TNRC6B: variants seen among roughly 807,000 people sequenced by gnomAD.
TNRC6B encodes the protein trinucleotide repeat containing adaptor 6B, also known as trinucleotide repeat-containing gene 6B protein.
Under a neutral mutation model 203.6 loss-of-function variants are expected in TNRC6B, and 52 were observed. The observed-to-expected ratio is 0.26, with a 90% CI of 0.20 to 0.32. TNRC6B has a LOEUF of 0.32. Among genes scored for constraint, TNRC6B ranks in the 10% least tolerant of loss-of-function variants. TNRC6B has a pLI of 1.00. For missense variants in TNRC6B, 1,923 were observed against 2,286.2 expected, an observed-to-expected ratio of 0.84 and a Z score of 3.24; for synonymous variants, 838 against 845.7, an observed-to-expected ratio of 0.99 and a Z score of 0.16.
intron 1 of TNRC6B, among the ~76,000 whole-genome samples, chr22:40,053,209 G>A (rs141202891): frequency 0.013 from 1,996 of 151,682 alleles, 20 homozygotes; most frequent in Non-Finnish European, 0.02. Flanking sequence ...GGATTTTCAG[G>A]TTGGGTCATT....
chr22:40,104,915 CCAAT>C (rs1302226548), intron 1 of TNRC6B, among the ~76,000 whole-genome samples: 1 of 152,184 alleles, frequency 6.6e-6, no homozygotes, highest in Non-Finnish European at 1.5e-5. Flanking sequence ...GGAATTTAGA[CCAAT>C]CAGTCTGGCT....
chr22:40,276,069 TG>T (rs1282365771), intron 7 of TNRC6B, among the ~76,000 whole-genome samples: 1 of 152,004 alleles, frequency 6.6e-6, no homozygotes. Context: ...CATCACGGGC[TG>T]GGCACGGTGG....
intron 1 of TNRC6B, among the ~76,000 whole-genome samples, chr22:40,212,958 T>A (rs2069585538): frequency 6.6e-6 from 1 of 152,198 alleles, no homozygotes; most frequent in African/African-American, 2.4e-5. Context: ...TGGCCCTAAT[T>A]TTTAAATTGA....
chr22:40,301,976 T>A (rs1225011187), intron 15 of TNRC6B, among the ~76,000 whole-genome samples: 1 of 152,246 alleles, frequency 6.6e-6, no homozygotes, highest in African/African-American at 2.4e-5. Context: ...TGTTAAAATA[T>A]GTACTAGTTT....
intron 16 of TNRC6B, among the ~76,000 whole-genome samples, chr22:40,310,411 T>C (rs910378448): frequency 5.3e-5 from 8 of 152,240 alleles, no homozygotes; most frequent in Non-Finnish European, 1.0e-4. Context: ...AGTAGAAATT[T>C]AGTTAAAACC....
chr22:40,217,333 A>T (rs2069648690), intron 1 of TNRC6B, among the ~76,000 whole-genome samples: 1 of 152,158 alleles, frequency 6.6e-6, no homozygotes, highest in Non-Finnish European at 1.5e-5. Context: ...GCTGAAAGGA[A>T]CCTGACATTG....
chr22:40,239,099 A>G (rs1194363253), intron 1 of TNRC6B, among the ~76,000 whole-genome samples: 3 of 152,152 alleles, frequency 2.0e-5, no homozygotes, highest in Non-Finnish European at 4.4e-5. Flanking sequence ...GCAACTCAGG[A>G]GGCTGAGGCG....
At chr22:40,222,315 A>G (rs1172347141) in intron 1 of TNRC6B, among the ~76,000 whole-genome samples, 2 of 152,180 alleles carry the variant, frequency 1.3e-5, no homozygotes, top group African/African-American at 4.8e-5. Context: ...AAAGGGGCTT[A>G]AAGGGGATGC....
At chr22:40,138,127 C>T (rs1363931931) in intron 3 of TNRC6B, among the ~76,000 whole-genome samples, 1 of 152,082 alleles carries the variant, frequency 6.6e-6, no homozygotes, top group Non-Finnish European at 1.5e-5. Context: ...AAGGCAGTAA[C>T]AGTGGTCTGC....
chr22:40,289,838 C>T (rs2070844972), intron 12 of TNRC6B, among the ~76,000 whole-genome samples: 1 of 152,184 alleles, frequency 6.6e-6, no homozygotes, highest in African/African-American at 2.4e-5. Context: ...ATGTTCAAAA[C>T]ACAGCTTCTG....
chr22:40,303,706 G>A (rs2071054729), intron 15 of TNRC6B, among the ~76,000 whole-genome samples: 1 of 151,966 alleles, frequency 6.6e-6, no homozygotes. Flanking sequence ...GAGGTCAGGA[G>A]TTCAAGACCA....
At chr22:40,067,674 G>T (rs938418398) in intron 1 of TNRC6B, among the ~76,000 whole-genome samples, 2 of 152,150 alleles carry the variant, frequency 1.3e-5, no homozygotes, top group African/African-American at 4.8e-5. Context: ...GCTGAAGATC[G>T]TGGAGTTCTG....
intron 19 of TNRC6B, among the ~76,000 whole-genome samples, chr22:40,314,365 A>G (rs1297107450): frequency 1.3e-5 from 2 of 152,138 alleles, no homozygotes; most frequent in Non-Finnish European, 2.9e-5. Context: ...TCAAATATCC[A>G]TTCCTTCTGT....
At chr22:40,310,703 T>G in intron 16 of TNRC6B, 114 bp from the exon 17 acceptor site, 1 of 1,058,966 alleles carries the variant, frequency 9.4e-7, no homozygotes, top group Non-Finnish European at 1.3e-6. Flanking sequence ...TCCAGTGCTG[T>G]TTGTATATAC....
intron 1 of TNRC6B, among the ~76,000 whole-genome samples, chr22:40,096,077 T>TTA (rs1233734074): frequency 6.6e-6 from 1 of 152,200 alleles, no homozygotes; most frequent in East Asian, 1.9e-4. Flanking sequence ...AACATGACTA[T>TTA]GAGACCAGCT....
At chr22:40,239,862 G>A (rs975274545) in intron 1 of TNRC6B, among the ~76,000 whole-genome samples, 1 of 151,772 alleles carries the variant, frequency 6.6e-6, no homozygotes, top group African/African-American at 2.4e-5. Flanking sequence ...TTTTGAGACC[G>A]AGTCTCGCTT....
At chr22:40,155,670 T>G (rs965934818) in intron 3 of TNRC6B, among the ~76,000 whole-genome samples, 1 of 152,062 alleles carries the variant, frequency 6.6e-6, no homozygotes, top group Non-Finnish European at 1.5e-5. Flanking sequence ...CATACCCTTG[T>G]CAACACTTGG....
intron 12 of TNRC6B, among the ~76,000 whole-genome samples, chr22:40,299,169 A>G (rs1400618490): frequency 6.6e-6 from 1 of 151,614 alleles, no homozygotes; most frequent in Admixed American, 6.6e-5. Context: ...AAAAAAAAAA[A>G]AAAAACAAAA....
Position 40,262,956 on chromosome 22 carries a change from C to T in TNRC6B, c.457+783C>T, listed in dbSNP as rs941379761. Among the ~76,000 whole-genome samples the T allele has an allele frequency of 2.6e-5, 4 of 151,406 alleles. No homozygotes were observed. In the South Asian group the frequency reaches 6.3e-4, roughly 24 times the overall value. On this transcript the variant is annotated intron_variant, in intron 4 of 22. Coordinates refer to ENST00000454349, the MANE Select transcript of TNRC6B (RefSeq NM_001162501.2). ...TCGGGAGGCTGAGGCAGGAGAATGGCGTCAACCCAGGAGGCGGAGCTTGCA... is the reference window on the plus strand; with the variant it reads ...TCGGGAGGCTGAGGCAGGAGAATGGTGTCAACCCAGGAGGCGGAGCTTGCA...
Sources: gnomAD v4.1 joint callset for allele counts (sites outside exome capture counted in the v4.1 genomes callset) on GRCh38, gnomAD v4.1.1 for gene constraint, MANE v1.5 for transcripts, NCBI Gene and HGNC (gene_info 2026-07-23, HGNC 2026-07-21) for gene names.